CREB3L2: variants seen among roughly 807,000 people sequenced by gnomAD.
CREB3L2 encodes the protein cAMP responsive element binding protein 3 like 2.
A neutral mutation model predicts 57.2 loss-of-function variants in CREB3L2; 23 were observed. The observed-to-expected ratio is 0.40, with a 90% CI of 0.29 to 0.57. The LOEUF is 0.57. Among genes scored for constraint, CREB3L2 ranks in the 20% least tolerant of loss-of-function variants. CREB3L2 has a pLI of 0.42. For synonymous variants in CREB3L2, 268 were observed against 265.1 expected (o/e 1.01, Z -0.11); for missense variants, 628 against 634.7 (o/e 0.99, Z 0.11).
In CREB3L2 at chr7:137,880,972, T is replaced by C. The variant is rs188577813; in HGVS notation, c.1488-421A>G. Among the ~76,000 whole-genome samples the C allele has an allele frequency of 8.5e-5, 13 of 152,298 alleles. No homozygotes were observed. In the East Asian group the frequency reaches 2.5e-3, roughly 29 times the overall value. The stretch of plus-strand genomic sequence containing the variant: ...TTTTTAACAATGAGCTAATTTGAAA[T>C]AATAATAAATCCATAACAGAAAATA... On this transcript the variant is annotated intron_variant, in intron 11 of 11. Coordinates refer to ENST00000330387, the MANE Select transcript of CREB3L2 (RefSeq NM_194071.4). The surrounding 1 kb of genome is among the most constrained non-coding windows in gnomAD (Gnocchi z 4.0).
chr7:137,887,703 C>T lies in CREB3L2; in HGVS notation c.1044-2201G>A, dbSNP rs546455611. Reference sequence around the variant, plus strand: ...CAGCCCAGGCAACAGTGCGAGATTCCGTCTCAAAGAAAAAAAAAAAATTTC... The same window carrying T: ...CAGCCCAGGCAACAGTGCGAGATTCTGTCTCAAAGAAAAAAAAAAAATTTC... On this transcript the variant is annotated intron_variant, in intron 8 of 11. Coordinates refer to ENST00000330387, the MANE Select transcript of CREB3L2 (RefSeq NM_194071.4). 2.7e-5 allele frequency among the ~76,000 whole-genome samples: 4 copies of T among 150,256 alleles called. No homozygotes were observed. The East Asian group carries it at 5.8e-4, about 22-fold the overall frequency.
At chr7:137,917,453 C>T (rs1026147588) in intron 2 of CREB3L2, among the ~76,000 whole-genome samples, 9 of 152,284 alleles carry the variant, frequency 5.9e-5, no homozygotes, top group East Asian at 1.9e-4. Context: ...AGCAAAGACA[C>T]GCTCCTTTGC....
At chr7:137,951,951 C>T (rs114378464) in intron 1 of CREB3L2, among the ~76,000 whole-genome samples, 4,490 of 152,260 alleles carry the variant, frequency 0.029, 239 homozygotes, top group African/African-American at 0.1. Context: ...GATCACGCCA[C>T]TGCACTATAA....
intron 8 of CREB3L2, among the ~76,000 whole-genome samples, chr7:137,899,438 G>A (rs1281751923): frequency 6.6e-6 from 1 of 152,218 alleles, no homozygotes; most frequent in Non-Finnish European, 1.5e-5. Context: ...GGGCTGCTGC[G>A]GAAGCAAGTG....
chr7:137,922,767 T>C (rs1211847553), intron 2 of CREB3L2: 1 of 303,224 alleles, frequency 3.3e-6, no homozygotes, highest in Non-Finnish European at 7.0e-6. Flanking sequence ...ATGTAACATA[T>C]CTAAAGTGAA....
intron 1 of CREB3L2, among the ~76,000 whole-genome samples, chr7:137,942,304 T>C (rs1255850365): frequency 6.6e-6 from 1 of 152,248 alleles, no homozygotes; most frequent in Non-Finnish European, 1.5e-5. Context: ...CAAATCTTTC[T>C]CTGGAAGTGG....
intron 1 of CREB3L2, among the ~76,000 whole-genome samples, chr7:137,971,499 C>G (rs554834495): frequency 6.6e-6 from 1 of 151,816 alleles, no homozygotes; most frequent in African/African-American, 2.4e-5. Flanking sequence ...ATGAAGGACA[C>G]TAAGGCAACA....
At chr7:137,962,464 C>G (rs1434067068) in intron 1 of CREB3L2, among the ~76,000 whole-genome samples, 1 of 152,106 alleles carries the variant, frequency 6.6e-6, no homozygotes, top group Non-Finnish European at 1.5e-5. Flanking sequence ...CCTCCTTCCC[C>G]TTCCCTGAGG....
chr7:137,944,744 T>C (rs927604322), intron 1 of CREB3L2, among the ~76,000 whole-genome samples: 7 of 152,208 alleles, frequency 4.6e-5, no homozygotes, highest in Non-Finnish European at 5.9e-5. Flanking sequence ...ATGAAAAATA[T>C]ATTGTGAAAA....
At position 137,990,018 on chromosome 7, in the gene CREB3L2, G is replaced by A. The variant is rs149288133; in HGVS notation, c.102+11586C>T. On this transcript the variant is annotated intron_variant, in intron 1 of 11. Coordinates refer to ENST00000330387, the MANE Select transcript of CREB3L2 (RefSeq NM_194071.4). Reference sequence around the variant, plus strand: ...TCAACTTGTCACTATCAATTCTGCCGTCCAGTCCATCCTTTCTAAAATACA... The same window carrying A: ...TCAACTTGTCACTATCAATTCTGCCATCCAGTCCATCCTTTCTAAAATACA... Among the ~76,000 whole-genome samples, 34 of 152,238 alleles carry A rather than the reference G, an allele frequency of 2.2e-4. No individual in the cohort carries two copies. In the East Asian group the frequency reaches 3.9e-3, roughly 17 times the overall value.
At position 137,879,772 on chromosome 7, in the gene CREB3L2, G is replaced by C. The variant is rs1414896949; in HGVS notation, c.*704C>G. The C allele has an allele frequency of 8.5e-6, 2 of 235,322 alleles. No homozygotes were observed. Among genetic ancestry groups the C allele is most frequent in the Admixed American group, 5.5e-5 (1 of 18,036 alleles). The allele number at this position is 235,322 out of a possible 1,614,324, so 14.6% of individuals were successfully genotyped here. On this transcript the variant is annotated 3_prime_UTR_variant, in exon 12 of 12. Coordinates refer to ENST00000330387, the MANE Select transcript of CREB3L2 (RefSeq NM_194071.4). ...ATTTACAACTGGGGAGGAGAAGCTG[G>C]GGAGGCAGAACTATGGATGTGTGGG...
chr7:137,899,935 A>G (rs1157697166), intron 8 of CREB3L2, among the ~76,000 whole-genome samples: 2 of 152,214 alleles, frequency 1.3e-5, no homozygotes, highest in South Asian at 2.1e-4. Context: ...TATTTGCACA[A>G]TTGTTACTGG....
chr7:137,928,803 C>T (rs538518763), intron 1 of CREB3L2, among the ~76,000 whole-genome samples: 14 of 152,290 alleles, frequency 9.2e-5, no homozygotes, highest in African/African-American at 3.1e-4. Flanking sequence ...ACACCCTCCA[C>T]ATTCTTTTGG....
intron 1 of CREB3L2, among the ~76,000 whole-genome samples, chr7:137,958,426 A>AG (rs1398816652): frequency 6.6e-6 from 1 of 152,172 alleles, no homozygotes; most frequent in Non-Finnish European, 1.5e-5. Context: ...ACACTCTGGG[A>AG]GGCCAGGGCA....
In CREB3L2 at chr7:137,905,696, G is replaced by A. The variant is rs774752771; in HGVS notation, c.915+6C>T. 2 of 1,613,896 alleles carry A rather than the reference G, an allele frequency of 1.2e-6. No individual in the cohort carries two copies. Among genetic ancestry groups the A allele is most frequent in the East Asian group, 2.2e-5 (1 of 44,880 alleles). ...CTCTAGAAGTGCCTAGATTTGAAGAGCTCACCTTATTCTTGATCTTCCTCC... is the reference window on the plus strand; with the variant it reads ...CTCTAGAAGTGCCTAGATTTGAAGAACTCACCTTATTCTTGATCTTCCTCC... On this transcript the variant is annotated splice_donor_region_variant and intron_variant, in intron 6 of 11. Transcript: ENST00000330387.
At chr7:137,916,563 T>G (rs1585622151) in intron 2 of CREB3L2, among the ~76,000 whole-genome samples, 1 of 151,866 alleles carries the variant, frequency 6.6e-6, no homozygotes, top group Admixed American at 6.6e-5. Flanking sequence ...AAAAAAAAAT[T>G]TTTAACTAGC....
chr7:137,963,400 C>G (rs987626598), intron 1 of CREB3L2, among the ~76,000 whole-genome samples: 1 of 152,218 alleles, frequency 6.6e-6, no homozygotes, highest in Non-Finnish European at 1.5e-5. Context: ...GTATTCACTT[C>G]TTTCTAGTTT....
chr7:137,903,899 A>G (rs1295194348), intron 7 of CREB3L2, 60 bp downstream of exon 7: 1 of 1,362,190 alleles, frequency 7.3e-7, no homozygotes, highest in Admixed American at 1.7e-5. Flanking sequence ...GATTCTCCGC[A>G]CACCCATATT....
At chr7:137,885,358 G>A in intron 9 of CREB3L2, 45 bp downstream of exon 9, 5 of 1,505,736 alleles carry the variant, frequency 3.3e-6, no homozygotes, top group Non-Finnish European at 4.6e-6. Context: ...GGAGACAGGG[G>A]CCAGGCCAGG....
Sources: allele counts gnomAD v4.1 joint callset (sites outside exome capture counted in the v4.1 genomes callset), GRCh38; gene constraint gnomAD v4.1.1; non-coding constraint Gnocchi (gnomAD v3.1); transcripts MANE v1.5; gene names NCBI Gene and HGNC (gene_info 2026-07-23, HGNC 2026-07-21).